The following LRBA variants were observed in gnomAD, a reference collection of about 807,000 sequenced individuals.
The protein encoded by LRBA is lipopolysaccharide-responsive and beige-like anchor protein.
A neutral mutation model predicts 330.0 loss-of-function variants in LRBA; 176 were observed. The observed-to-expected ratio is 0.53, with a 90% CI of 0.47 to 0.60. The LOEUF is 0.60. Among genes scored for constraint, LRBA ranks in the 20% least tolerant of loss-of-function variants. The pLI is 0.00. For missense variants in LRBA, 3,259 were observed against 3,444.8 expected (o/e 0.95, Z 1.35); for synonymous variants, 1,230 against 1,193.0 (o/e 1.03, Z -0.64).
At chr4:150,838,791 C>T (rs1309420877) in intron 28 of LRBA, among the ~76,000 whole-genome samples, 2 of 152,296 alleles carry the variant, frequency 1.3e-5, no homozygotes, top group East Asian at 3.9e-4. Flanking sequence ...CTTCTCTCAA[C>T]TCGTCAAAGT....
chr4:150,477,861 G>A (rs1228042844), intron 42 of LRBA, among the ~76,000 whole-genome samples: 5 of 151,968 alleles, frequency 3.3e-5, no homozygotes, highest in Non-Finnish European at 7.4e-5. Flanking sequence ...CTCCAGCCAT[G>A]CTTCCTTATA....
At chr4:150,427,236 A>C (rs1249992469) in intron 46 of LRBA, among the ~76,000 whole-genome samples, 2 of 151,980 alleles carry the variant, frequency 1.3e-5, no homozygotes, top group Admixed American at 6.6e-5. Context: ...GCATTTTTAT[A>C]ATTCTGGAAG....
chr4:150,565,110 T>C (rs1336927960), intron 40 of LRBA, among the ~76,000 whole-genome samples: 1 of 152,090 alleles, frequency 6.6e-6, no homozygotes, highest in African/African-American at 2.4e-5. Context: ...CCAACCCAAA[T>C]GCCCATCAAT....
chr4:150,761,861 AG>A lies in LRBA; in HGVS notation c.5581-15del. The A allele has an allele frequency of 7.3e-7, 1 of 1,375,598 alleles. No individual in the cohort carries two copies. Among genetic ancestry groups the A allele is most frequent in the Non-Finnish European group, 9.9e-7 (1 of 1,005,652 alleles). The allele number at this position is 1,375,598 out of a possible 1,614,324, so 85.2% of individuals were successfully genotyped here. A position where few individuals can be genotyped will look rare whatever the true frequency, so the allele number is the denominator to read the frequency against. On this transcript the variant is annotated splice_polypyrimidine_tract_variant and intron_variant, in intron 34 of 56. Transcript: ENST00000651943. ...ATTTTGCCACTCCTATAAAAAAAAAAGCAAAAATAGCTGAAGAAATGTCACT... is the reference window on the plus strand; with the variant it reads ...ATTTTGCCACTCCTATAAAAAAAAAACAAAAATAGCTGAAGAAATGTCACT...
At chr4:150,933,089 A>T (rs998335292) in intron 2 of LRBA, among the ~76,000 whole-genome samples, 1 of 152,074 alleles carries the variant, frequency 6.6e-6, no homozygotes, top group Non-Finnish European at 1.5e-5. Context: ...TTAAATTACA[A>T]GATAAAGGTT....
At chr4:150,356,677 T>TA (rs914950928) in intron 47 of LRBA, among the ~76,000 whole-genome samples, 108 of 151,720 alleles carry the variant, frequency 7.1e-4, no homozygotes, top group Non-Finnish European at 2.4e-4. Flanking sequence ...AATCCTCATT[T>TA]AAAAAAAATG....
chr4:150,679,813 T>A (rs1244930280), intron 37 of LRBA: 1 of 152,208 alleles, frequency 6.6e-6, no homozygotes, highest in African/African-American at 2.4e-5. Context: ...ATAATTTATG[T>A]CTCTAGCTCT....
At chr4:150,276,931 C>T (rs1262475019) in intron 56 of LRBA, among the ~76,000 whole-genome samples, 1 of 152,120 alleles carries the variant, frequency 6.6e-6, no homozygotes, top group Non-Finnish European at 1.5e-5. Context: ...TGGGTATATA[C>T]CCAAAGGATT....
intron 2 of LRBA, among the ~76,000 whole-genome samples, chr4:150,964,400 AAAG>A (rs1421239499): frequency 2.7e-5 from 4 of 149,842 alleles, no homozygotes; most frequent in East Asian, 3.9e-4. Flanking sequence ...AATGTGGGGA[AAAG>A]AAGGAGAGGT....
chr4:150,404,496 TAAG>T (rs1310359548), intron 47 of LRBA, among the ~76,000 whole-genome samples: 1 of 152,102 alleles, frequency 6.6e-6, no homozygotes, highest in Non-Finnish European at 1.5e-5. Context: ...ACTGCAATGA[TAAG>T]AAGAACATGT....
At chr4:150,718,468 A>G (rs953984957) in intron 36 of LRBA, among the ~76,000 whole-genome samples, 3 of 152,152 alleles carry the variant, frequency 2.0e-5, no homozygotes, top group African/African-American at 4.8e-5. Context: ...TGTCTCAAAA[A>G]AAAAATGCCT....
intron 40 of LRBA, among the ~76,000 whole-genome samples, chr4:150,516,042 G>C (rs1274278416): frequency 6.6e-6 from 1 of 151,590 alleles, no homozygotes; most frequent in South Asian, 2.1e-4. Flanking sequence ...TTTTTTAAAG[G>C]CTTCATAAAA....
chr4:150,265,663 A>G lies in LRBA; in HGVS notation c.*59T>C. Reference sequence around the variant, plus strand: ...TTACATTCAGATGTGGTAGAAGAGAATGATGCTCCAGGTACTTCTGCTCAT... The same window carrying G: ...TTACATTCAGATGTGGTAGAAGAGAGTGATGCTCCAGGTACTTCTGCTCAT... On this transcript the variant is annotated 3_prime_UTR_variant, in exon 57 of 57. Coordinates refer to ENST00000651943, the MANE Select transcript of LRBA (RefSeq NM_001364905.1). 9.2e-7 allele frequency: 1 copy of G among 1,083,008 alleles called. No homozygotes were observed. Among genetic ancestry groups the G allele is most frequent in the Non-Finnish European group, 1.4e-6 (1 of 696,202 alleles). The allele number at this position is 1,083,008 out of a possible 1,614,324, so 67.1% of individuals were successfully genotyped here.
Position 150,321,563 on chromosome 4 carries a change from G to A in LRBA, c.7453-195C>T, listed in dbSNP as rs1561010742. Among the ~76,000 whole-genome samples, 2 of 152,258 alleles carry A rather than the reference G, an allele frequency of 1.3e-5. No homozygotes were observed. The highest frequency in any genetic ancestry group is 6.5e-5 in the Admixed American group (1 of 15,276). The stretch of plus-strand genomic sequence containing the variant: ...TCATGATCTGTTATTCATGTATGTC[G>A]TTAGTTGGAATTTTGGGGGACTGAA... On this transcript the variant is annotated intron_variant, in intron 49 of 56. Coordinates refer to ENST00000651943, the MANE Select transcript of LRBA (RefSeq NM_001364905.1). The surrounding 1 kb of genome is among the most constrained non-coding windows in gnomAD (Gnocchi z 4.5).
At chr4:150,294,742 G>C (rs1728744826) in intron 53 of LRBA, among the ~76,000 whole-genome samples, 1 of 152,178 alleles carries the variant, frequency 6.6e-6, no homozygotes, top group Non-Finnish European at 1.5e-5. Flanking sequence ...ACAAGGTCAG[G>C]AGATTGAGAC....
Position 150,321,416 on chromosome 4 carries a change from C to A in LRBA, c.7453-48G>T, listed in dbSNP as rs761552686. The A allele has an allele frequency of 4.8e-6, 7 of 1,457,472 alleles. No individual in the cohort carries two copies. The highest frequency in any genetic ancestry group is 5.5e-6 in the Non-Finnish European group (6 of 1,095,396). 90.3% of individuals were successfully genotyped at this position (1,457,472 alleles called of 1,614,324 possible). A position where few individuals can be genotyped will look rare whatever the true frequency, so the allele number is the denominator to read the frequency against. On this transcript the variant is annotated intron_variant, in intron 49 of 56. Coordinates refer to ENST00000651943, the MANE Select transcript of LRBA (RefSeq NM_001364905.1). The surrounding 1 kb of genome is among the most constrained non-coding windows in gnomAD (Gnocchi z 4.5). ...GTGGGCATGACAAGACCCAAATAGA[C>A]AAGAAGGAAAAGATGAAGAAAGACA...
At chr4:150,478,239 C>G (rs1280117251) in intron 42 of LRBA, among the ~76,000 whole-genome samples, 1 of 152,158 alleles carries the variant, frequency 6.6e-6, no homozygotes, top group South Asian at 2.1e-4. Flanking sequence ...CTCCTTATAT[C>G]TAGCTTCCTA....
intron 36 of LRBA, among the ~76,000 whole-genome samples, chr4:150,693,531 T>A (rs548426186): frequency 8.9e-4 from 100 of 112,574 alleles, no homozygotes; most frequent in African/African-American, 2.8e-3. Flanking sequence ...GCCACTGCAC[T>A]CCAGCCTGGG....
intron 47 of LRBA, among the ~76,000 whole-genome samples, chr4:150,393,901 A>C (rs576859575): frequency 1.3e-5 from 2 of 152,348 alleles, no homozygotes; most frequent in Admixed American, 6.5e-5. Context: ...TTGACTTTAT[A>C]ATTGCAGACA....
Sources: gnomAD v4.1 joint callset for allele counts (sites outside exome capture counted in the v4.1 genomes callset) on GRCh38, gnomAD v4.1.1 for gene constraint, Gnocchi (gnomAD v3.1) non-coding constraint, MANE v1.5 for transcripts, NCBI Gene and HGNC (gene_info 2026-07-23, HGNC 2026-07-21) for gene names.